NTRK3: variants seen among roughly 807,000 people sequenced by gnomAD.
NTRK3 encodes the protein NT-3 growth factor receptor.
A neutral mutation model predicts 91.7 loss-of-function variants in NTRK3; 24 were observed. That is an observed-to-expected ratio of 0.26 (90% CI 0.19 to 0.37). The LOEUF is 0.37. Ranked by LOEUF, NTRK3 falls within the 10% of genes least tolerant of loss-of-function variation. NTRK3 has a pLI of 1.00. For missense variants in NTRK3, 880 were observed against 1,068.9 expected, an observed-to-expected ratio of 0.82 and a Z score of 2.46; for synonymous variants, 483 against 404.0, an observed-to-expected ratio of 1.20 and a Z score of -2.34.
chr15:88,190,166 G>A (rs552683195), intron 3 of NTRK3, among the ~76,000 whole-genome samples: 44 of 152,214 alleles, frequency 2.9e-4, no homozygotes, highest in South Asian at 1.2e-3. Flanking sequence ...AGCTTTTCCC[G>A]CTCCTCTCTG....
intron 13 of NTRK3, among the ~76,000 whole-genome samples, chr15:88,048,540 G>T (rs1279198065): frequency 1.3e-5 from 2 of 152,082 alleles, no homozygotes; most frequent in African/African-American, 4.8e-5. Flanking sequence ...GGGGTAACTG[G>T]AGAGCCTGGA....
intron 13 of NTRK3, among the ~76,000 whole-genome samples, chr15:88,095,902 C>A (rs75218971): frequency 0.016 from 2,436 of 152,226 alleles, 53 homozygotes; most frequent in African/African-American, 0.054. Flanking sequence ...GGAAATCAGC[C>A]CAATTTTACT....
At chr15:88,021,222 G>A (rs140593941) in intron 14 of NTRK3, among the ~76,000 whole-genome samples, 92 of 152,292 alleles carry the variant, frequency 6.0e-4, no homozygotes, top group African/African-American at 2.1e-3. Context: ...CTATTCCCAC[G>A]GAATGCAGCT....
At chr15:88,105,954 G>T (rs1203223025) in intron 13 of NTRK3, among the ~76,000 whole-genome samples, 2 of 152,212 alleles carry the variant, frequency 1.3e-5, no homozygotes, top group South Asian at 2.1e-4. Context: ...TCAAGTCTAG[G>T]ACTCCAATTC....
intron 17 of NTRK3, among the ~76,000 whole-genome samples, chr15:87,880,853 T>A (rs1298085167): frequency 6.6e-6 from 1 of 152,268 alleles, no homozygotes. Context: ...GTATATTCCA[T>A]GTGCATCTGA....
intron 13 of NTRK3, among the ~76,000 whole-genome samples, chr15:88,063,735 G>A (rs1056544966): frequency 1.3e-5 from 2 of 152,176 alleles, no homozygotes; most frequent in Admixed American, 6.5e-5. Flanking sequence ...CTCGCATGTG[G>A]TGGTGTTCAA....
intron 5 of NTRK3, among the ~76,000 whole-genome samples, chr15:88,172,746 C>A (rs561274221): frequency 1.3e-5 from 2 of 152,110 alleles, no homozygotes; most frequent in Non-Finnish European, 2.9e-5. Context: ...GAATGTGGTC[C>A]ACAAACAAAG....
chr15:87,923,068 AAAGT>A (rs2068006619), intron 17 of NTRK3, among the ~76,000 whole-genome samples: 1 of 152,262 alleles, frequency 6.6e-6, no homozygotes, highest in Non-Finnish European at 1.5e-5. Flanking sequence ...GTAGCAATAC[AAAGT>A]AAGAATGGCT....
exon 19 of NTRK3, chr15:87,864,828 C>A (rs1369302012): frequency 2.6e-5 from 6 of 229,194 alleles, no homozygotes; most frequent in African/African-American, 1.1e-4. Context: ...AGCAAGACTG[C>A]ATGCAACTGC....
At chr15:87,973,029 C>T (rs745966338) in intron 14 of NTRK3, among the ~76,000 whole-genome samples, 4 of 152,142 alleles carry the variant, frequency 2.6e-5, no homozygotes, top group Admixed American at 6.5e-5. Flanking sequence ...CTTCCTTGTC[C>T]CCCTCGTTTT....
At chr15:87,871,727 T>A (rs1596038771) in exon 19 of NTRK3, 1 of 226,224 alleles carries the variant, frequency 4.4e-6, no homozygotes, top group South Asian at 1.8e-4. Flanking sequence ...ACGGTAAGGC[T>A]AAAAGAGAAT....
Position 88,064,224 on chromosome 15 carries a change from T to C in NTRK3, c.1397-31179A>G, listed in dbSNP as rs3784431. ...AAAAAGCCTTTGGCAGGAGCATGGC[T>C]CTGCTGATATCTTACTTTAAACTCC... On this transcript the variant is annotated intron_variant, in intron 13 of 18. Transcript: ENST00000394480. Among the ~76,000 whole-genome samples the C allele has an allele frequency of 1.4e-3, 218 of 152,348 alleles. 2 individuals are homozygous for C. The East Asian group carries it at 0.03, about 21-fold the overall frequency.
At chr15:88,141,765 C>T (rs1271698844) in intron 6 of NTRK3, among the ~76,000 whole-genome samples, 1 of 152,220 alleles carries the variant, frequency 6.6e-6, no homozygotes, top group African/African-American at 2.4e-5. Context: ...TGAGAATGTC[C>T]TGAGGCTGGC....
intron 3 of NTRK3, among the ~76,000 whole-genome samples, chr15:88,210,373 A>G (rs1278300982): frequency 6.6e-6 from 1 of 152,350 alleles, no homozygotes; most frequent in East Asian, 1.9e-4. Context: ...TGAAGATGGA[A>G]GAAATTCTTA....
intron 5 of NTRK3, among the ~76,000 whole-genome samples, chr15:88,149,780 G>A (rs546965712): frequency 6.6e-6 from 1 of 152,340 alleles, no homozygotes; most frequent in African/African-American, 2.4e-5. Context: ...GTTCGAACTT[G>A]GGGTTCAGGA....
At chr15:88,012,150 C>T (rs1005175935) in intron 14 of NTRK3, among the ~76,000 whole-genome samples, 2 of 152,192 alleles carry the variant, frequency 1.3e-5, no homozygotes, top group Non-Finnish European at 2.9e-5. Context: ...AGAATCCCAC[C>T]TTCAGCTCTT....
intron 14 of NTRK3, among the ~76,000 whole-genome samples, chr15:87,981,940 G>A (rs2074316546): frequency 6.6e-6 from 1 of 152,184 alleles, no homozygotes; most frequent in Admixed American, 6.5e-5. Context: ...AAAAACAAAA[G>A]CTGTTAGCTC....
intron 11 of NTRK3, among the ~76,000 whole-genome samples, chr15:88,128,426 T>C (rs1386978231): frequency 6.6e-6 from 1 of 152,128 alleles, no homozygotes; most frequent in Non-Finnish European, 1.5e-5. Flanking sequence ...ATGTCCATCC[T>C]CACACAGCCC....
chr15:88,134,950 G>T, intron 10 of NTRK3, 151 bp downstream of exon 10: 1 of 921,660 alleles, frequency 1.1e-6, no homozygotes, highest in Non-Finnish European at 1.7e-6. Context: ...ACCAGATGCG[G>T]CTGGTGGTTG....
Sources: allele counts gnomAD v4.1 joint callset (sites outside exome capture counted in the v4.1 genomes callset), GRCh38; gene constraint gnomAD v4.1.1; transcripts MANE v1.5; gene names NCBI Gene and HGNC (gene_info 2026-07-23, HGNC 2026-07-21).